Variants in FHOD3 observed in about 807,000 individuals in gnomAD.
FHOD3 encodes formin homology 2 domain containing 3, also known as FH1/FH2 domain-containing protein 3.
FHOD3 carries 90 observed loss-of-function variants against 173.0 expected under a neutral mutation model. That is an observed-to-expected ratio of 0.52 (90% confidence interval 0.44 to 0.62). The LOEUF is 0.62. Among genes scored for constraint, FHOD3 ranks in the 20% least tolerant of loss-of-function variants. The pLI, the probability that FHOD3 is intolerant of heterozygous loss-of-function variation, is 0.00. For missense variants in FHOD3, 1,945 were observed against 2,034.7 expected (o/e 0.96, Z 0.85); for synonymous variants, 828 against 823.0 (o/e 1.01, Z -0.10).
chr18:36,538,607 T>A (rs1209069467), intron 5 of FHOD3, among the ~76,000 whole-genome samples: 1 of 152,196 alleles, frequency 6.6e-6, no homozygotes, highest in Non-Finnish European at 1.5e-5. Context: ...CTGCAGTACA[T>A]CCATACTATG....
At chr18:36,662,441 T>A (rs1254000941) in intron 14 of FHOD3, among the ~76,000 whole-genome samples, 1 of 152,172 alleles carries the variant, frequency 6.6e-6, no homozygotes, top group East Asian at 1.9e-4. Flanking sequence ...ACCCAAAGGA[T>A]CATATGCACT....
At chr18:36,629,977 G>A (rs1216554892) in intron 10 of FHOD3, among the ~76,000 whole-genome samples, 1 of 152,040 alleles carries the variant, frequency 6.6e-6, no homozygotes, top group Non-Finnish European at 1.5e-5. Context: ...CTTAGTGCAG[G>A]ATAGCCCCCT....
chr18:36,646,616 T>G (rs1271660958), intron 10 of FHOD3, among the ~76,000 whole-genome samples: 1 of 152,240 alleles, frequency 6.6e-6, no homozygotes, highest in Non-Finnish European at 1.5e-5. Context: ...TAAATGGTTC[T>G]GGGCCAATTG....
At chr18:36,453,648 G>A (rs1427513108) in intron 3 of FHOD3, among the ~76,000 whole-genome samples, 1 of 152,226 alleles carries the variant, frequency 6.6e-6, no homozygotes, top group Non-Finnish European at 1.5e-5. Flanking sequence ...TCCAAGGCAT[G>A]ATGAAGGGGC....
intron 3 of FHOD3, among the ~76,000 whole-genome samples, chr18:36,443,216 G>T (rs954717446): frequency 3.9e-5 from 6 of 152,114 alleles, no homozygotes; most frequent in African/African-American, 1.4e-4. Context: ...TGCTCATCAT[G>T]CTTTTACAAC....
chr18:36,718,098 C>A lies in FHOD3; in HGVS notation c.2800C>A (p.Arg934=). 1.3e-6 allele frequency: 2 copies of A among 1,599,342 alleles called. No individual in the cohort carries two copies. The highest frequency in any genetic ancestry group is 1.1e-5 in the South Asian group (1 of 88,046). The change falls in exon 19 of 29, where the codon CGG becomes AGG. Residue 934 remains arginine, a synonymous_variant. Transcript: ENST00000590592. ...RRVDVGCLDN[R]GSVKAFAEKF... ...GGTGGATGTCGGCTGTTTGGACAAT[C>A]GGGGCAGTGTGAAAGCATTTGCTGA...
rs751498720 is a variant in FHOD3 at position 36,742,718 on chromosome 18, ATT to A, written c.3760-11_3760-10del. 2 of 1,558,340 alleles carry A rather than the reference ATT, an allele frequency of 1.3e-6. No homozygotes were observed. The highest frequency in any genetic ancestry group is 1.7e-6 in the Non-Finnish European group (2 of 1,147,492). On this transcript the variant is annotated splice_polypyrimidine_tract_variant and intron_variant, in intron 21 of 28. Transcript: ENST00000590592. ...CAAATTGTACACTCTTTATTGTCTA[ATT>A]TTTTTTTAACTGAAAGGAAGTAGCA...
At chr18:36,686,766 T>A (rs1187268015) in intron 15 of FHOD3, among the ~76,000 whole-genome samples, 5 of 152,192 alleles carry the variant, frequency 3.3e-5, no homozygotes, top group African/African-American at 1.2e-4. Context: ...CTCAACTGGA[T>A]GCTAATCACC....
intron 4 of FHOD3, among the ~76,000 whole-genome samples, chr18:36,503,987 T>G (rs1568357597): frequency 6.6e-6 from 1 of 152,176 alleles, no homozygotes; most frequent in Non-Finnish European, 1.5e-5. Flanking sequence ...TTAAGTGGTG[T>G]GATCTTGGCT....
At chr18:36,656,787 T>C (rs1287159997) in intron 13 of FHOD3, among the ~76,000 whole-genome samples, 1 of 152,196 alleles carries the variant, frequency 6.6e-6, no homozygotes, top group Non-Finnish European at 1.5e-5. Flanking sequence ...TTTTAAGGGT[T>C]GCATAATAGT....
intron 3 of FHOD3, among the ~76,000 whole-genome samples, chr18:36,382,585 G>T (rs1160657100): frequency 6.6e-6 from 1 of 152,212 alleles, no homozygotes; most frequent in Non-Finnish European, 1.5e-5. Context: ...AAAAATGCTT[G>T]CTAAGTCTGA....
At chr18:36,557,353 C>G (rs939016624) in intron 5 of FHOD3, among the ~76,000 whole-genome samples, 3 of 151,292 alleles carry the variant, frequency 2.0e-5, no homozygotes, top group African/African-American at 7.3e-5. Flanking sequence ...ATTATTTTTT[C>G]TGTGTTTTTA....
At chr18:36,405,844 CT>C (rs371726920) in intron 3 of FHOD3, among the ~76,000 whole-genome samples, 71 of 152,210 alleles carry the variant, frequency 4.7e-4, no homozygotes, top group African/African-American at 1.3e-3. Context: ...AATTATTTTC[CT>C]TTTTTTCCCC....
intron 3 of FHOD3, among the ~76,000 whole-genome samples, chr18:36,410,604 C>T (rs1316448055): frequency 1.3e-5 from 2 of 152,166 alleles, no homozygotes; most frequent in Non-Finnish European, 2.9e-5. Flanking sequence ...ATTCACATTC[C>T]CACTGGTAAT....
intron 5 of FHOD3, among the ~76,000 whole-genome samples, chr18:36,565,558 A>G (rs1290569936): frequency 6.6e-6 from 1 of 152,176 alleles, no homozygotes; most frequent in African/African-American, 2.4e-5. Context: ...AATAAAACCT[A>G]GTTACCACTG....
rs564650169 is a variant in FHOD3 at position 36,754,976 on chromosome 18, T to C, written c.4233-143T>C. On this transcript the variant is annotated intron_variant, in intron 24 of 28. Coordinates refer to ENST00000590592, the MANE Select transcript of FHOD3 (RefSeq NM_001281740.3). ...ACTGAGAGTGTGGCTTGTTGGTTTC[T>C]TTATTATTATTATTATTATTATTAT... 6.0e-3 allele frequency: 1,014 copies of C among 168,274 alleles called. 6 individuals carry two copies. Among genetic ancestry groups the C allele is most frequent in the African/African-American group, 0.025 (960 of 39,158 alleles). The allele number at this position is 168,274 out of a possible 1,614,324, so 10.4% of individuals were successfully genotyped here.
chr18:36,324,139 T>C (rs1259427998), intron 1 of FHOD3, among the ~76,000 whole-genome samples: 1 of 152,226 alleles, frequency 6.6e-6, no homozygotes, highest in African/African-American at 2.4e-5. Flanking sequence ...ACAAGATTTG[T>C]CCTTTCACTA....
chr18:36,321,718 C>T (rs913536215), intron 1 of FHOD3, among the ~76,000 whole-genome samples: 4 of 152,152 alleles, frequency 2.6e-5, no homozygotes, highest in Non-Finnish European at 4.4e-5. Context: ...TGCTTGGGAG[C>T]GGTGACCAGG....
chr18:36,474,986 T>TACACACACACAC (rs3056805), intron 3 of FHOD3, among the ~76,000 whole-genome samples: 4 of 108,000 alleles, frequency 3.7e-5, no homozygotes, highest in East Asian at 2.9e-4. Flanking sequence ...AATACACACA[T>TACACACACACAC]ACACACACAC....
Sources: allele counts gnomAD v4.1 joint callset (sites outside exome capture counted in the v4.1 genomes callset), GRCh38; gene constraint gnomAD v4.1.1; transcripts MANE v1.5; gene names NCBI Gene and HGNC (gene_info 2026-07-23, HGNC 2026-07-21).